IL1RAPL1: variants seen among roughly 807,000 people sequenced by gnomAD.
The protein encoded by IL1RAPL1 is interleukin 1 receptor accessory protein like 1.
A neutral mutation model predicts 48.4 loss-of-function variants in IL1RAPL1; 3 were observed. That is an observed-to-expected ratio of 0.06 (90% CI 0.03 to 0.16). The LOEUF (loss-of-function observed/expected upper bound fraction) is 0.16, where lower values mean the gene tolerates loss of function less well. Ranked by LOEUF, IL1RAPL1 falls within the 10% of genes least tolerant of loss-of-function variation. The pLI is 1.00. For missense variants in IL1RAPL1, 349 were observed against 530.6 expected (o/e 0.66, Z 3.36); for synonymous variants, 185 against 187.7 (o/e 0.99, Z 0.12).
intron 1 of IL1RAPL1, among the ~76,000 whole-genome samples, chrX:28,762,903 A>T (rs1418150138): frequency 9.1e-6 from 1 of 109,861 alleles, no homozygotes; most frequent in Non-Finnish European, 1.9e-5. Flanking sequence ...GAATTACAGA[A>T]ATGAGGTATT....
At chrX:29,135,555 A>G (rs757289512) in intron 2 of IL1RAPL1, among the ~76,000 whole-genome samples, 1 of 111,744 alleles carries the variant, frequency 8.9e-6, no homozygotes, top group African/African-American at 3.3e-5. Context: ...TGAAATAGCT[A>G]GATTAGAACC....
chrX:29,179,998 T>C (rs1320051155), intron 2 of IL1RAPL1, among the ~76,000 whole-genome samples: 1 of 107,123 alleles, frequency 9.3e-6, no homozygotes, highest in African/African-American at 3.4e-5. Context: ...TGAGCACTAC[T>C]GGCCCAGAAG....
intron 6 of IL1RAPL1, among the ~76,000 whole-genome samples, chrX:29,850,566 C>T (rs1458708646): frequency 8.9e-6 from 1 of 112,400 alleles, no homozygotes; most frequent in Non-Finnish European, 1.9e-5. Context: ...GTGCAGACCA[C>T]CCTCTCCCCT....
chrX:29,508,965 T>C (rs1935365304), intron 5 of IL1RAPL1, among the ~76,000 whole-genome samples: 2 of 112,328 alleles, frequency 1.8e-5, no homozygotes, highest in Non-Finnish European at 3.8e-5. Context: ...TTTGTTCTGT[T>C]ACAATAACAT....
At chrX:29,394,737 A>G (rs1361457747) in intron 3 of IL1RAPL1, among the ~76,000 whole-genome samples, 4 of 111,668 alleles carry the variant, frequency 3.6e-5, no homozygotes, top group African/African-American at 9.8e-5. Flanking sequence ...ATTCCTGAAC[A>G]CACACGCTCA....
chrX:28,599,130 G>A (rs1017641752), intron 1 of IL1RAPL1, among the ~76,000 whole-genome samples: 2 of 108,175 alleles, frequency 1.8e-5, no homozygotes, highest in Non-Finnish European at 1.9e-5. Context: ...GATCCCAGCC[G>A]GCTACTCGGG....
intron 2 of IL1RAPL1, among the ~76,000 whole-genome samples, chrX:29,113,189 C>T (rs1928610024): frequency 8.9e-6 from 1 of 111,961 alleles, no homozygotes; most frequent in South Asian, 3.7e-4. Flanking sequence ...GAAAACTAGT[C>T]ATTTAGCCCT....
At position 29,122,409 on chromosome X, in the gene IL1RAPL1, T is replaced by TCTCTCACACACA. The variant is rs60632925; in HGVS notation, c.83-160528_83-160527insTCTCACACACAC. Among the ~76,000 whole-genome samples the TCTCTCACACACA allele has an allele frequency of 2.4e-3, 157 of 64,584 alleles. 1 individual carries two copies. The highest frequency in any genetic ancestry group is 0.012 in the African/African-American group (150 of 12,823). The allele number at this position is 64,584 out of a possible 115,157, so 56.1% of individuals were successfully genotyped here. On this transcript the variant is annotated intron_variant, in intron 2 of 10. Coordinates refer to ENST00000378993, the MANE Select transcript of IL1RAPL1 (RefSeq NM_014271.4). Reference sequence around the variant, plus strand: ...CTCTCTCTCTCTTTCTCTCTCTCTCTCACACACACACACACACACACACAC... The same window carrying TCTCTCACACACA: ...CTCTCTCTCTCTTTCTCTCTCTCTCTCTCTCACACACACACACACACACACACACACACACAC...
At chrX:29,356,599 T>G (rs1933307365) in intron 3 of IL1RAPL1, among the ~76,000 whole-genome samples, 1 of 110,516 alleles carries the variant, frequency 9.0e-6, no homozygotes, top group Non-Finnish European at 1.9e-5. Context: ...ACACTCACAT[T>G]CTAATTTCTA....
intron 3 of IL1RAPL1, among the ~76,000 whole-genome samples, chrX:29,341,916 C>T (rs887369279): frequency 4.5e-5 from 5 of 110,543 alleles, no homozygotes; most frequent in Non-Finnish European, 9.5e-5. Flanking sequence ...AAGAGATTCT[C>T]CTACCTCAGC....
intron 2 of IL1RAPL1, among the ~76,000 whole-genome samples, chrX:29,058,959 A>G (rs1003727210): frequency 2.7e-5 from 3 of 112,154 alleles, no homozygotes; most frequent in Non-Finnish European, 5.6e-5. Flanking sequence ...ATTAAGAGAA[A>G]TTGTGTCCAT....
chrX:29,255,671 C>G (rs1931745258), intron 2 of IL1RAPL1, among the ~76,000 whole-genome samples: 1 of 111,002 alleles, frequency 9.0e-6, no homozygotes, highest in Non-Finnish European at 1.9e-5. Flanking sequence ...TCATGCGTAC[C>G]CAGTGCTTAG....
intron 2 of IL1RAPL1, among the ~76,000 whole-genome samples, chrX:29,072,225 GA>G (rs1373264806): frequency 0.028 from 2,820 of 99,411 alleles, 87 homozygotes; most frequent in African/African-American, 0.093. Flanking sequence ...ACTCATTAAG[GA>G]AAAAAAAAAA....
intron 2 of IL1RAPL1, among the ~76,000 whole-genome samples, chrX:29,252,491 C>G (rs1342270175): frequency 8.8e-6 from 1 of 113,881 alleles, no homozygotes; most frequent in African/African-American, 3.2e-5. Flanking sequence ...GAAATTGAAA[C>G]AAAATTACAA....
At chrX:29,138,236 G>T (rs1449247322) in intron 2 of IL1RAPL1, among the ~76,000 whole-genome samples, 5 of 111,610 alleles carry the variant, frequency 4.5e-5, no homozygotes, top group Non-Finnish European at 9.4e-5. Flanking sequence ...AATAATCTTT[G>T]ATTTTATATT....
intron 5 of IL1RAPL1, among the ~76,000 whole-genome samples, chrX:29,643,781 T>C (rs904707701): frequency 9.0e-6 from 1 of 111,678 alleles, no homozygotes; most frequent in Non-Finnish European, 1.9e-5. Context: ...CTTTCTGGAA[T>C]GGCCCATCCC....
intron 6 of IL1RAPL1, among the ~76,000 whole-genome samples, chrX:29,754,896 G>T (rs1278281356): frequency 8.9e-6 from 1 of 112,517 alleles, no homozygotes; most frequent in Admixed American, 9.4e-5. Flanking sequence ...TTAGAAACCT[G>T]GGCATGGCCA....
intron 2 of IL1RAPL1, among the ~76,000 whole-genome samples, chrX:28,994,997 T>G (rs774856905): frequency 1.8e-5 from 2 of 111,226 alleles, no homozygotes; most frequent in South Asian, 7.5e-4. Context: ...TGAAGCTGTG[T>G]TATGTTAGTT....
intron 5 of IL1RAPL1, among the ~76,000 whole-genome samples, chrX:29,426,640 T>C (rs1304106908): frequency 1.8e-5 from 2 of 111,922 alleles, no homozygotes; most frequent in African/African-American, 6.5e-5. Context: ...TAGAGGATTA[T>C]TGTGAAGATT....
Sources: allele counts gnomAD v4.1 joint callset (sites outside exome capture counted in the v4.1 genomes callset), GRCh38; gene constraint gnomAD v4.1.1; transcripts MANE v1.5; gene names NCBI Gene and HGNC (gene_info 2026-07-23, HGNC 2026-07-21).